Variants in NFIB observed in about 807,000 individuals in gnomAD.
NFIB encodes the protein nuclear factor I B.
NFIB carries 11 observed loss-of-function variants against 61.5 expected under a neutral mutation model. That is an observed-to-expected ratio of 0.18 (90% CI 0.11 to 0.30). The LOEUF is 0.30. Among genes scored for constraint, NFIB ranks in the 10% least tolerant of loss-of-function variants. The probability of loss-of-function intolerance (pLI) is 1.00; values close to 1 mark genes in which losing one functional copy is unlikely to be tolerated. For missense variants in NFIB, 471 were observed against 608.9 expected (o/e 0.77, Z 2.38); for synonymous variants, 260 against 216.5 (o/e 1.20, Z -1.76).
chr9:14,096,707 A>T (rs145386830), intron 10 of NFIB: 167 of 152,332 alleles, frequency 1.1e-3, no homozygotes, highest in African/African-American at 3.9e-3. Flanking sequence ...CCACAGCTAC[A>T]GAAAAAACAA....
chr9:14,516,126 G>C, the NFIB span, among the ~76,000 whole-genome samples: 4 of 152,238 alleles, frequency 2.6e-5, no homozygotes, highest in Non-Finnish European at 4.4e-5. Context: ...GCAGACAATT[G>C]CCTCGAACCA....
upstream of NFIB, chr9:14,314,515 T>C (rs73641905): frequency 0.079 from 11,993 of 152,184 alleles, 1,577 homozygotes; most frequent in African/African-American, 0.27. Context: ...CTCCCTCTCT[T>C]GCTTTCTTTC....
intron 2 of NFIB, among the ~76,000 whole-genome samples, chr9:14,286,707 C>T (rs141503233): frequency 4.6e-5 from 7 of 152,294 alleles, no homozygotes; most frequent in African/African-American, 1.7e-4. Flanking sequence ...AAATGTCTGT[C>T]TTCTCTATAT....
chr9:14,175,454 G>T (rs542298695), intron 3 of NFIB, among the ~76,000 whole-genome samples: 2 of 152,040 alleles, frequency 1.3e-5, no homozygotes, highest in South Asian at 2.1e-4. Flanking sequence ...GATTACAGGC[G>T]TAAGACACCA....
intron 10 of NFIB, among the ~76,000 whole-genome samples, chr9:14,093,820 C>T (rs1259307348): frequency 3.9e-5 from 6 of 151,910 alleles, no homozygotes; most frequent in Admixed American, 6.6e-5. Flanking sequence ...CTGCAGATTA[C>T]GTCTTGTGAA....
the NFIB span, among the ~76,000 whole-genome samples, chr9:14,442,597 C>G: frequency 0.5 from 75,392 of 151,924 alleles, 20,837 homozygotes; most frequent in African/African-American, 0.75. Context: ...CCCCAAGCTG[C>G]AGGTTTGCTG....
chr9:14,139,035 T>C (rs1405279046), intron 6 of NFIB, among the ~76,000 whole-genome samples: 4 of 152,140 alleles, frequency 2.6e-5, no homozygotes, highest in Non-Finnish European at 4.4e-5. Flanking sequence ...GAGTCTTCCT[T>C]AAGCTTTCCA....
At chr9:14,259,911 A>G (rs2056589601) in intron 2 of NFIB, among the ~76,000 whole-genome samples, 1 of 152,214 alleles carries the variant, frequency 6.6e-6, no homozygotes, top group African/African-American at 2.4e-5. Context: ...TTTCAAAAAC[A>G]AAACGAAACG....
intron 10 of NFIB, among the ~76,000 whole-genome samples, chr9:14,090,793 A>T (rs1348583633): frequency 6.6e-6 from 1 of 152,062 alleles, no homozygotes; most frequent in Non-Finnish European, 1.5e-5. Context: ...TGGAGATTGC[A>T]TGCTTTAGGG....
At position 14,365,380 on chromosome 9, in the gene NFIB, G is replaced by A. The variant is rs115872031; in HGVS notation, c.108+33144C>T. Among the ~76,000 whole-genome samples the A allele has an allele frequency of 7.3e-3, 1,111 of 152,306 alleles. 13 individuals carry two copies. Among genetic ancestry groups the A allele is most frequent in the African/African-American group, 0.025 (1,059 of 41,560 alleles). ...ATGCTAAAGGCTCTGAGGATAATGT[G>A]TCTTCCCACACCCCAGGAGACTCCA... On this transcript the variant is annotated intron_variant, in intron 1 of 8. Coordinates refer to the NFIB transcript ENST00000380934.
At chr9:14,101,637 G>A (rs772007290) in intron 10 of NFIB, among the ~76,000 whole-genome samples, 16 of 152,160 alleles carry the variant, frequency 1.1e-4, no homozygotes, top group Non-Finnish European at 1.8e-4. Flanking sequence ...ATTATACCAT[G>A]AATCTAATTA....
chr9:14,235,849 C>T (rs756403252), intron 2 of NFIB, among the ~76,000 whole-genome samples: 5 of 152,160 alleles, frequency 3.3e-5, no homozygotes, highest in Non-Finnish European at 7.3e-5. Flanking sequence ...CACCACTTAT[C>T]CCCAAGGCTT....
chr9:14,213,269 T>A (rs1040101006), intron 2 of NFIB, among the ~76,000 whole-genome samples: 13 of 152,184 alleles, frequency 8.5e-5, no homozygotes, highest in Non-Finnish European at 1.8e-4. Flanking sequence ...AAGTTACTTA[T>A]CTTTGGAAAG....
At chr9:14,204,197 G>A in intron 2 of NFIB, 1 of 536,518 alleles carries the variant, frequency 1.9e-6, no homozygotes, top group Non-Finnish European at 3.3e-6. Flanking sequence ...TATGGCACAG[G>A]CCTCAAAATT....
the NFIB span, among the ~76,000 whole-genome samples, chr9:14,468,509 C>G: frequency 6.6e-5 from 10 of 152,110 alleles, no homozygotes; most frequent in Non-Finnish European, 1.3e-4. Context: ...AGTGGGTATT[C>G]CATTTGGCTT....
chr9:14,387,443 G>A (rs1445609117), intron 1 of NFIB, among the ~76,000 whole-genome samples: 4 of 151,990 alleles, frequency 2.6e-5, no homozygotes, highest in Admixed American at 6.6e-5. Flanking sequence ...AGGTATTGGA[G>A]TAAAATATTT....
chr9:14,460,112 C>A, the NFIB span, among the ~76,000 whole-genome samples: 1 of 152,084 alleles, frequency 6.6e-6, no homozygotes, highest in South Asian at 2.1e-4. Context: ...AAACTTGGAA[C>A]CAACCCAAAT....
At chr9:14,347,538 A>G (rs2061041436) in intron 1 of NFIB, among the ~76,000 whole-genome samples, 1 of 151,930 alleles carries the variant, frequency 6.6e-6, no homozygotes, top group Non-Finnish European at 1.5e-5. Context: ...AGGGCAAGCT[A>G]ACAGTGCTGG....
chr9:14,218,263 T>G (rs989637034), intron 2 of NFIB, among the ~76,000 whole-genome samples: 1 of 152,210 alleles, frequency 6.6e-6, no homozygotes, highest in Non-Finnish European at 1.5e-5. Flanking sequence ...AAAATGATTT[T>G]TTTTAAGTTT....
Sources: allele counts gnomAD v4.1 joint callset (sites outside exome capture counted in the v4.1 genomes callset), GRCh38; gene constraint gnomAD v4.1.1; transcripts MANE v1.5; gene names NCBI Gene and HGNC (gene_info 2026-07-23, HGNC 2026-07-21).